Variants in WDR49 observed in about 807,000 individuals in gnomAD.
The protein encoded by WDR49 is WD repeat domain 49, also known as cilia- and flagella-associated protein 337.
A neutral mutation model predicts 119.5 loss-of-function variants in WDR49; 107 were observed. The observed-to-expected ratio is 0.90, with a 90% CI of 0.77 to 1.05. The LOEUF is 1.05. Among genes scored for constraint, WDR49 ranks in the 50% least tolerant of loss-of-function variants. The probability of loss-of-function intolerance (pLI) is 0.00; values close to 1 mark genes in which losing one functional copy is unlikely to be tolerated. For missense variants in WDR49, 1,240 were observed against 1,220.5 expected (o/e 1.02, Z -0.24); for synonymous variants, 425 against 418.8 (o/e 1.01, Z -0.18).
chr3:167,567,005 G>T (rs1193548556), intron 8 of WDR49: 1 of 481,314 alleles, frequency 2.1e-6, no homozygotes, highest in Non-Finnish European at 3.7e-6. Flanking sequence ...GGGCACACTT[G>T]GTGTAACTTC....
rs1479517880 is a variant in WDR49, at chr3:167,557,419, TAGTA to T, written c.1675-2625_1675-2622del. ...GATTTGAATCAATGCAATTGCTCATTAGTAAGTAAGAAATTGAACAATCAGAATA... is the reference window on the plus strand; with the variant it reads ...GATTTGAATCAATGCAATTGCTCATTAGTAAGAAATTGAACAATCAGAATA... On this transcript the variant is annotated intron_variant, in intron 9 of 18. Coordinates refer to ENST00000682715, the MANE Select transcript of WDR49 (RefSeq NM_001366157.1). Among the ~76,000 whole-genome samples, 7 of 152,220 alleles carry T rather than the reference TAGTA, an allele frequency of 4.6e-5. No homozygotes were observed. In the East Asian group the frequency reaches 5.8e-4, roughly 13 times the overall value.
intron 8 of WDR49, among the ~76,000 whole-genome samples, chr3:167,564,239 C>T (rs1411155005): frequency 5.3e-5 from 8 of 152,148 alleles, no homozygotes; most frequent in African/African-American, 1.7e-4. Flanking sequence ...TTATGGCAGT[C>T]GGCCTCACGG....
intron 11 of WDR49, among the ~76,000 whole-genome samples, chr3:167,535,490 T>C (rs1752988064): frequency 6.6e-6 from 1 of 151,964 alleles, no homozygotes; most frequent in South Asian, 2.1e-4. Flanking sequence ...TACGAAAAAA[T>C]GTTCAACATC....
At chr3:167,502,992 C>G (rs1751633424) in intron 17 of WDR49, among the ~76,000 whole-genome samples, 1 of 152,190 alleles carries the variant, frequency 6.6e-6, no homozygotes, top group Admixed American at 6.5e-5. Flanking sequence ...TCCAAGACAA[C>G]AGAAAAAAGG....
chr3:167,584,154 C>T (rs1178469168), intron 7 of WDR49, among the ~76,000 whole-genome samples: 4 of 152,126 alleles, frequency 2.6e-5, no homozygotes, highest in South Asian at 4.2e-4. Flanking sequence ...AATTAAAACC[C>T]AGTGTATGAG....
In WDR49 at chr3:167,522,489, A is replaced by G; in HGVS notation, c.2605-5T>C. 1 of 1,584,762 alleles carries G rather than the reference A, an allele frequency of 6.3e-7. No individual in the cohort carries two copies. The highest frequency in any genetic ancestry group is 8.5e-7 in the Non-Finnish European group (1 of 1,173,340). ...TTCAATATGCCAGTGCTTTGCCTGA[A>G]AAAAACGAAAACATCTGTTTTATTT... On this transcript the variant is annotated splice_polypyrimidine_tract_variant and splice_region_variant and intron_variant, in intron 15 of 18. Transcript: ENST00000682715.
chr3:167,530,104 G>A (rs917046990), intron 13 of WDR49, among the ~76,000 whole-genome samples: 1 of 151,950 alleles, frequency 6.6e-6, no homozygotes, highest in Middle Eastern at 3.2e-3. Flanking sequence ...TCTAGAAAAT[G>A]GAAAGTTTTA....
intron 18 of WDR49, among the ~76,000 whole-genome samples, chr3:167,483,692 C>T (rs537686732): frequency 3.3e-5 from 5 of 151,944 alleles, no homozygotes; most frequent in African/African-American, 1.2e-4. Flanking sequence ...GAGTTAGGTC[C>T]TTTTCTCCTG....
At chr3:167,575,680 T>A (rs1714209597) in intron 8 of WDR49, among the ~76,000 whole-genome samples, 1 of 152,254 alleles carries the variant, frequency 6.6e-6, no homozygotes, top group Admixed American at 6.5e-5. Context: ...TTAGCTGGAA[T>A]GCTGTAATTC....
intron 10 of WDR49, among the ~76,000 whole-genome samples, chr3:167,544,666 C>A (rs1247007613): frequency 6.6e-6 from 1 of 151,910 alleles, no homozygotes; most frequent in Non-Finnish European, 1.5e-5. Context: ...TGGATCCTTG[C>A]CTCTTAACTT....
At chr3:167,564,442 C>T (rs1431517130) in intron 8 of WDR49, among the ~76,000 whole-genome samples, 2 of 152,194 alleles carry the variant, frequency 1.3e-5, no homozygotes, top group Non-Finnish European at 2.9e-5. Context: ...GGATTCACTA[C>T]ACGACAATGG....
intron 7 of WDR49, among the ~76,000 whole-genome samples, chr3:167,583,847 C>T (rs575716063): frequency 6.6e-6 from 1 of 152,228 alleles, no homozygotes; most frequent in Non-Finnish European, 1.5e-5. Context: ...AAGAAAGCAT[C>T]TTCAATTTAG....
At chr3:167,508,024 C>T (rs933550183) in intron 16 of WDR49, among the ~76,000 whole-genome samples, 5 of 152,128 alleles carry the variant, frequency 3.3e-5, no homozygotes, top group South Asian at 2.1e-4. Flanking sequence ...TGCAGGAAGG[C>T]GATCTACTAT....
chr3:167,615,426 A>G (rs1328535301), intron 5 of WDR49, among the ~76,000 whole-genome samples: 1 of 136,638 alleles, frequency 7.3e-6, no homozygotes, highest in African/African-American at 2.8e-5. Context: ...GTGGACCACC[A>G]CTCCCGGCTC....
chr3:167,650,499 C>CAAAGA (rs975874584), intron 2 of WDR49, among the ~76,000 whole-genome samples: 3 of 151,976 alleles, frequency 2.0e-5, no homozygotes, highest in African/African-American at 7.3e-5. Flanking sequence ...TTATTTGTTC[C>CAAAGA]AAAGAAAAGA....
rs34315900 is a variant in WDR49, at chr3:167,611,712, C to T, written c.959-7244G>A. 5.5e-3 allele frequency among the ~76,000 whole-genome samples: 837 copies of T among 151,968 alleles called. 1 individual carries two copies. The highest frequency in any genetic ancestry group is 8.9e-3 in the Non-Finnish European group (607 of 67,972). On this transcript the variant is annotated intron_variant, in intron 5 of 18. Coordinates refer to ENST00000682715, the MANE Select transcript of WDR49 (RefSeq NM_001366157.1). Reference sequence around the variant, plus strand: ...TACTTTTATCACACAAAATAGATTTCGAGACAAAAACTATAAAAAGATACA... The same window carrying T: ...TACTTTTATCACACAAAATAGATTTTGAGACAAAAACTATAAAAAGATACA...
At chr3:167,499,047 G>C (rs541508585) in intron 18 of WDR49, among the ~76,000 whole-genome samples, 1 of 152,224 alleles carries the variant, frequency 6.6e-6, no homozygotes, top group Non-Finnish European at 1.5e-5. Context: ...AGAAACCATA[G>C]ATTGCCCTCA....
At chr3:167,607,709 T>A (rs1264365991) in intron 5 of WDR49, among the ~76,000 whole-genome samples, 1 of 152,088 alleles carries the variant, frequency 6.6e-6, no homozygotes, top group Non-Finnish European at 1.5e-5. Context: ...AGATCTGGGG[T>A]TCTTCCTATT....
At chr3:167,590,421 GAGTTTGGA>G (rs1715046667) in intron 7 of WDR49, among the ~76,000 whole-genome samples, 1 of 152,054 alleles carries the variant, frequency 6.6e-6, no homozygotes, top group Non-Finnish European at 1.5e-5. Context: ...TTTGTAGAAT[GAGTTTGGA>G]AGTATTCCTT....
Sources: gnomAD v4.1 joint callset for allele counts (sites outside exome capture counted in the v4.1 genomes callset) on GRCh38, gnomAD v4.1.1 for gene constraint, MANE v1.5 for transcripts, NCBI Gene and HGNC (gene_info 2026-07-23, HGNC 2026-07-21) for gene names.